BANF2: variants seen among roughly 807,000 people sequenced by gnomAD.
The protein encoded by BANF2 is barrier-to-autointegration factor-like protein.
A neutral mutation model predicts 8.0 loss-of-function variants in BANF2; 4 were observed. The ratio of observed to expected loss-of-function variants is 0.50; its 90% CI spans 0.25 to 1.14. The LOEUF (loss-of-function observed/expected upper bound fraction) is 1.14, where lower values mean the gene tolerates loss of function less well. Ranked by LOEUF, BANF2 falls within the 50% of genes most tolerant of loss-of-function variation. The pLI is 0.16. For synonymous variants in BANF2, 50 were observed against 40.6 expected, an observed-to-expected ratio of 1.23 and a Z score of -0.88; for missense variants, 96 against 107.5, an observed-to-expected ratio of 0.89 and a Z score of 0.47.
At chr20:17,708,765 T>C (rs2122586053) in intron 1 of BANF2, among the ~76,000 whole-genome samples, 1 of 152,292 alleles carries the variant, frequency 6.6e-6, no homozygotes, top group Admixed American at 6.5e-5. Context: ...GAAACCGAGA[T>C]CTTTTTTCCA....
At chr20:17,704,590 T>C (rs2037455154) in intron 1 of BANF2, among the ~76,000 whole-genome samples, 1 of 152,280 alleles carries the variant, frequency 6.6e-6, no homozygotes, top group African/African-American at 2.4e-5. Context: ...ATAGGGTAAC[T>C]GTCCCATCCT....
chr20:17,699,472 G>C (rs981484141), upstream of BANF2, among the ~76,000 whole-genome samples: 1 of 152,162 alleles, frequency 6.6e-6, no homozygotes, highest in Non-Finnish European at 1.5e-5. Context: ...TAATATTTAA[G>C]TTACTTCTCT....
chr20:17,735,652 A>T lies in BANF2; in HGVS notation c.127-13A>T, dbSNP rs1475810617. On this transcript the variant is annotated splice_polypyrimidine_tract_variant and intron_variant, in intron 3 of 3. Transcript: ENST00000246090. ...CCTTTCCTGCTTTCCTCCCTGTCTC[A>T]TCCCCTCCCCAGGCCTACATCCTGC... 6.2e-7 allele frequency: 1 copy of T among 1,612,082 alleles called. No individual in the cohort carries two copies.
At chr20:17,714,915 G>A (rs149434945) in intron 1 of BANF2, among the ~76,000 whole-genome samples, 1 of 152,282 alleles carries the variant, frequency 6.6e-6, no homozygotes, top group Non-Finnish European at 1.5e-5. Context: ...GGATTTCAGA[G>A]CCATTTGGAT....
At chr20:17,716,692 C>G (rs1045646389) in intron 1 of BANF2, among the ~76,000 whole-genome samples, 7 of 151,120 alleles carry the variant, frequency 4.6e-5, no homozygotes, top group African/African-American at 1.7e-4. Context: ...GGTGAAACCC[C>G]GAGCCAGGTG....
intron 1 of BANF2, among the ~76,000 whole-genome samples, chr20:17,706,206 A>G (rs1402697513): frequency 6.6e-6 from 1 of 152,188 alleles, no homozygotes; most frequent in Non-Finnish European, 1.5e-5. Context: ...CCAAGTACAC[A>G]CTTTAAATCC....
At chr20:17,733,727 T>G (rs112462229) in intron 3 of BANF2, among the ~76,000 whole-genome samples, 1,848 of 152,312 alleles carry the variant, frequency 0.012, 20 homozygotes, top group Non-Finnish European at 0.019. Flanking sequence ...TAAAAAAGAT[T>G]AAAGTAGCAG....
At chr20:17,727,108 C>CA (rs11483067) in intron 3 of BANF2, among the ~76,000 whole-genome samples, 39,832 of 151,930 alleles carry the variant, frequency 0.26, 5,812 homozygotes, top group East Asian at 0.46. Flanking sequence ...GGTTTTAGAA[C>CA]AAAAAATGAA....
At chr20:17,729,731 G>C (rs1178895838) in intron 3 of BANF2, among the ~76,000 whole-genome samples, 1 of 152,168 alleles carries the variant, frequency 6.6e-6, no homozygotes, top group African/African-American at 2.4e-5. Context: ...GGGAGACTCT[G>C]TCTCAAAAAA....
intron 1 of BANF2, among the ~76,000 whole-genome samples, chr20:17,719,489 A>G (rs2037699789): frequency 1.3e-5 from 2 of 151,794 alleles, no homozygotes; most frequent in Admixed American, 6.6e-5. Context: ...TTCTTATGGG[A>G]GAAATTAGGG....
upstream of BANF2, among the ~76,000 whole-genome samples, chr20:17,697,913 T>C (rs879437588): frequency 1.5e-4 from 23 of 152,010 alleles, no homozygotes; most frequent in Admixed American, 5.2e-4. Context: ...TTTAAAAGTG[T>C]GTGGTACCCG....
chr20:17,732,267 A>G (rs1335833131), intron 3 of BANF2, among the ~76,000 whole-genome samples: 1 of 152,226 alleles, frequency 6.6e-6, no homozygotes, highest in African/African-American at 2.4e-5. Flanking sequence ...GGGCACCGCA[A>G]ACTGGAGGGT....
At chr20:17,717,177 G>C (rs2037666727) in intron 1 of BANF2, among the ~76,000 whole-genome samples, 1 of 152,144 alleles carries the variant, frequency 6.6e-6, no homozygotes, top group African/African-American at 2.4e-5. Flanking sequence ...CCTCGGGCTT[G>C]ACTCCATCAG....
upstream of BANF2, among the ~76,000 whole-genome samples, chr20:17,698,726 C>T (rs2037372117): frequency 6.6e-6 from 1 of 152,196 alleles, no homozygotes; most frequent in African/African-American, 2.4e-5. Flanking sequence ...AGTTGTAAGG[C>T]CAAGAGGCTA....
At chr20:17,695,445 CAA>C (rs71192401), upstream of BANF2, among the ~76,000 whole-genome samples, 246 of 51,344 alleles carry the variant, frequency 4.8e-3, 1 homozygote, top group East Asian at 0.019. Flanking sequence ...GACCTTGTCT[CAA>C]AAAAAAAAAA....
chr20:17,717,460 A>G (rs1038460069), intron 1 of BANF2, among the ~76,000 whole-genome samples: 5 of 152,180 alleles, frequency 3.3e-5, no homozygotes, highest in African/African-American at 1.2e-4. Context: ...TCTACATTTT[A>G]AAATAAAAGT....
intron 1 of BANF2, among the ~76,000 whole-genome samples, chr20:17,717,497 A>G (rs1353643077): frequency 1.3e-5 from 2 of 152,230 alleles, no homozygotes; most frequent in Non-Finnish European, 2.9e-5. Flanking sequence ...GGCACCGAGC[A>G]AAAGAAGCAA....
chr20:17,729,793 C>T (rs539182587), intron 3 of BANF2, among the ~76,000 whole-genome samples: 2 of 152,350 alleles, frequency 1.3e-5, no homozygotes, highest in South Asian at 4.1e-4. Context: ...TCCACACTCA[C>T]AATGTTAGTG....
chr20:17,716,136 T>C (rs2122606406), intron 1 of BANF2, among the ~76,000 whole-genome samples: 1 of 152,240 alleles, frequency 6.6e-6, no homozygotes, highest in Middle Eastern at 3.4e-3. Context: ...CCCTGAAAAG[T>C]AGTTCCTGAG....
Sources: allele counts gnomAD v4.1 joint callset (sites outside exome capture counted in the v4.1 genomes callset), GRCh38; gene constraint gnomAD v4.1.1; transcripts MANE v1.5; gene names NCBI Gene and HGNC (gene_info 2026-07-23, HGNC 2026-07-21).